The following PDE11A variants were observed in gnomAD, a reference collection of about 807,000 sequenced individuals.
PDE11A encodes phosphodiesterase 11A.
Under a neutral mutation model 100.5 loss-of-function variants are expected in PDE11A, and 100 were observed. The observed-to-expected ratio is 1.00, with a 90% CI of 0.85 to 1.18. The LOEUF is 1.18. Among genes scored for constraint, PDE11A ranks in the 50% most tolerant of loss-of-function variants. The pLI, the probability that PDE11A is intolerant of heterozygous loss-of-function variation, is 0.00. For synonymous variants in PDE11A, 381 were observed against 420.8 expected (o/e 0.91, Z 1.16); for missense variants, 1,141 against 1,152.6 (o/e 0.99, Z 0.15).
rs114701546 is a variant in PDE11A, at chr2:177,897,474, G to A, written c.1302+584C>T. ...GTAAGGCTACTTTGTGCCAGAATTC[G>A]CAGGTTAACAGCAGCTGTGAAAGAA... is the stretch of plus-strand genomic sequence containing the variant. On this transcript the variant is annotated intron_variant, in intron 4 of 19. Coordinates refer to ENST00000286063, the MANE Select transcript of PDE11A (RefSeq NM_016953.4). 2.9e-3 allele frequency among the ~76,000 whole-genome samples: 434 copies of A among 152,270 alleles called. 4 individuals are homozygous for A. The highest frequency in any genetic ancestry group is 0.01 in the African/African-American group (416 of 41,554).
intron 3 of PDE11A, 55 bp from the exon 4 acceptor site, chr2:177,898,253 C>A: frequency 8.0e-7 from 1 of 1,246,400 alleles, no homozygotes; most frequent in Non-Finnish European, 1.2e-6. Context: ...AAAAAAGTTG[C>A]TTTTCTTCTT....
At chr2:177,954,822 C>T (rs1344996902) in intron 2 of PDE11A, among the ~76,000 whole-genome samples, 1 of 152,128 alleles carries the variant, frequency 6.6e-6, no homozygotes, top group Admixed American at 6.5e-5. Context: ...TTCAATTGGT[C>T]TGGGGTGGGA....
At chr2:178,101,333 A>G (rs1559071998) in intron 2 of PDE11A, among the ~76,000 whole-genome samples, 1 of 152,214 alleles carries the variant, frequency 6.6e-6, no homozygotes, top group Non-Finnish European at 1.5e-5. Flanking sequence ...GAGGGTCCCA[A>G]ATGAAAAGCT....
At chr2:178,019,397 G>A (rs899836614) in intron 1 of PDE11A, among the ~76,000 whole-genome samples, 1 of 151,972 alleles carries the variant, frequency 6.6e-6, no homozygotes. Context: ...AAAACAATCT[G>A]CCTACAAGTA....
At chr2:177,790,838 T>C (rs888372803) in intron 9 of PDE11A, among the ~76,000 whole-genome samples, 23 of 152,174 alleles carry the variant, frequency 1.5e-4, no homozygotes, top group African/African-American at 4.1e-4. Context: ...CACAATGAGA[T>C]ACCATCTCAC....
intron 1 of PDE11A, among the ~76,000 whole-genome samples, chr2:178,030,218 A>G (rs1559047620): frequency 6.6e-6 from 1 of 152,180 alleles, no homozygotes; most frequent in Admixed American, 6.6e-5. Flanking sequence ...TGGGGCTAAA[A>G]CTACAGTTGC....
chr2:177,730,286 C>G (rs1366702624), intron 10 of PDE11A, among the ~76,000 whole-genome samples: 3 of 152,130 alleles, frequency 2.0e-5, no homozygotes, highest in Non-Finnish European at 4.4e-5. Flanking sequence ...TTCAACTGTT[C>G]TCATTGTTCA....
Position 177,627,615 on chromosome 2 carries a change from G to T in PDE11A, c.*1792C>A, listed in dbSNP as rs914396825. The T allele has an allele frequency of 6.6e-6, 1 of 152,202 alleles. No individual in the cohort carries two copies. Among genetic ancestry groups the T allele is most frequent in the Non-Finnish European group, 1.5e-5 (1 of 68,056 alleles). 9.4% of individuals were successfully genotyped at this position (152,202 alleles called of 1,614,324 possible). A position where few individuals can be genotyped will look rare whatever the true frequency, so the allele number is the denominator to read the frequency against. On this transcript the variant is annotated 3_prime_UTR_variant, in exon 20 of 20. Coordinates refer to ENST00000286063, the MANE Select transcript of PDE11A (RefSeq NM_016953.4). ...AATCCCAGCACTTTCGGAGGCAGAG[G>T]TGGGTGGCTCACCTGAGGTCAGGAG...
Position 177,956,143 on chromosome 2 carries a change from T to C in PDE11A, c.1072-50956A>G, listed in dbSNP as rs1401570715. Among the ~76,000 whole-genome samples the C allele has an allele frequency of 2.0e-5, 3 of 151,774 alleles. No individual in the cohort carries two copies. The South Asian group carries it at 6.3e-4, about 32-fold the overall frequency. On this transcript the variant is annotated intron_variant, in intron 2 of 19. Coordinates refer to ENST00000286063, the MANE Select transcript of PDE11A (RefSeq NM_016953.4). ...AGGCAACCTACAGAATGGGAGAAAA[T>C]TTTCGCAACCTACTCATCTGACAAA...
At chr2:177,740,925 A>C (rs1028087144) in intron 10 of PDE11A, among the ~76,000 whole-genome samples, 2 of 152,198 alleles carry the variant, frequency 1.3e-5, no homozygotes, top group African/African-American at 4.8e-5. Context: ...TCCTGAGCCA[A>C]ACAGATGTGC....
At chr2:177,746,308 T>G (rs1251139161) in intron 10 of PDE11A, among the ~76,000 whole-genome samples, 1 of 152,050 alleles carries the variant, frequency 6.6e-6, no homozygotes, top group Admixed American at 6.6e-5. Flanking sequence ...ATACAAAAAT[T>G]TGGAAATCTG....
chr2:178,015,358 A>C (rs1296486401), intron 1 of PDE11A, among the ~76,000 whole-genome samples: 1 of 152,228 alleles, frequency 6.6e-6, no homozygotes, highest in Non-Finnish European at 1.5e-5. Context: ...AGAAATGTAG[A>C]AATCATCAGT....
chr2:177,870,581 GGCATTGT>G (rs1173106818), intron 5 of PDE11A, among the ~76,000 whole-genome samples: 3 of 152,194 alleles, frequency 2.0e-5, no homozygotes, highest in Non-Finnish European at 2.9e-5. Context: ...CTATGTGCCA[GGCATTGT>G]GCTCTTTCAG....
At chr2:178,104,510 A>AAT in intron 1 of PDE11A, 1 of 1,555,654 alleles carries the variant, frequency 6.4e-7, no homozygotes, top group Non-Finnish European at 8.9e-7. Flanking sequence ...AAACCAAAAA[A>AAT]ATATATATAT....
chr2:177,966,902 T>C (rs2085704714), intron 2 of PDE11A, among the ~76,000 whole-genome samples: 1 of 152,160 alleles, frequency 6.6e-6, no homozygotes, highest in Non-Finnish European at 1.5e-5. Flanking sequence ...TCTTCTCAGT[T>C]TTTTGGAATA....
At chr2:177,630,964 T>G (rs1222409742) in intron 19 of PDE11A, among the ~76,000 whole-genome samples, 1 of 152,152 alleles carries the variant, frequency 6.6e-6, no homozygotes, top group Non-Finnish European at 1.5e-5. Context: ...TTAAAAATAA[T>G]ACCTTTTCTT....
rs201502157 is a variant in PDE11A at position 177,747,602 on chromosome 2, T to C, written c.1789-19430A>G. Among the ~76,000 whole-genome samples, 6 of 152,346 alleles carry C rather than the reference T, an allele frequency of 3.9e-5. No individual in the cohort carries two copies. The East Asian group carries it at 7.7e-4, about 20-fold the overall frequency. On this transcript the variant is annotated intron_variant, in intron 10 of 19. Coordinates refer to ENST00000286063, the MANE Select transcript of PDE11A (RefSeq NM_016953.4). ...GGCTAGTTTAAAAGCTTAGAGATGT[T>C]GGAATTATCCTTTTCACCTTTCTCC... is the stretch of plus-strand genomic sequence containing the variant.
intron 4 of PDE11A, among the ~76,000 whole-genome samples, chr2:177,884,298 T>A (rs1459057156): frequency 6.6e-6 from 1 of 152,208 alleles, no homozygotes; most frequent in Non-Finnish European, 1.5e-5. Flanking sequence ...CCATCCTTCC[T>A]CATGACTCCT....
intron 10 of PDE11A, among the ~76,000 whole-genome samples, chr2:177,742,445 C>T (rs2081886769): frequency 6.6e-6 from 1 of 152,210 alleles, no homozygotes; most frequent in African/African-American, 2.4e-5. Flanking sequence ...TCTTCCCTTA[C>T]ATTTTGTCCT....
Sources: gnomAD v4.1 joint callset for allele counts (sites outside exome capture counted in the v4.1 genomes callset) on GRCh38, gnomAD v4.1.1 for gene constraint, MANE v1.5 for transcripts, NCBI Gene and HGNC (gene_info 2026-07-23, HGNC 2026-07-21) for gene names.